Variants in GOSR1 observed in about 807,000 individuals in gnomAD.
GOSR1 encodes golgi SNAP receptor complex member 1, also known as 28 kDa Golgi SNARE protein.
Under a neutral mutation model 35.5 loss-of-function variants are expected in GOSR1, and 21 were observed. The ratio of observed to expected loss-of-function variants is 0.59; its 90% confidence interval spans 0.42 to 0.85. The LOEUF (loss-of-function observed/expected upper bound fraction) is 0.85, where lower values mean the gene tolerates loss of function less well. Among genes scored for constraint, GOSR1 ranks in the 40% least tolerant of loss-of-function variants. The probability of loss-of-function intolerance (pLI) is 0.00; values close to 1 mark genes in which losing one functional copy is unlikely to be tolerated. For synonymous variants in GOSR1, 94 were observed against 106.6 expected, an observed-to-expected ratio of 0.88 and a Z score of 0.73; for missense variants, 285 against 309.6, an observed-to-expected ratio of 0.92 and a Z score of 0.60.
intron 8 of GOSR1, among the ~76,000 whole-genome samples, chr17:30,521,988 G>T (rs113323246): frequency 7.9e-5 from 12 of 152,062 alleles, no homozygotes; most frequent in South Asian, 2.1e-4. Context: ...AACTGTCATC[G>T]TCCTTTTCTT....
chr17:30,500,495 G>A (rs1335067932), intron 6 of GOSR1, among the ~76,000 whole-genome samples: 1 of 152,024 alleles, frequency 6.6e-6, no homozygotes, highest in East Asian at 1.9e-4. Flanking sequence ...CTTTTCCTCT[G>A]TTTAATCTTT....
At chr17:30,488,533 ATT>A (rs72485527) in intron 4 of GOSR1, among the ~76,000 whole-genome samples, 91 of 131,272 alleles carry the variant, frequency 6.9e-4, no homozygotes, top group African/African-American at 9.3e-4. Flanking sequence ...TATTGGCAGT[ATT>A]TTTTTTTTTT....
intron 4 of GOSR1, chr17:30,485,044 T>G: frequency 4.6e-6 from 2 of 439,512 alleles, no homozygotes; most frequent in East Asian, 4.9e-5. Flanking sequence ...CCTAGCTAGC[T>G]AGCTGTAACA....
intron 6 of GOSR1, among the ~76,000 whole-genome samples, chr17:30,504,013 T>A (rs1340975375): frequency 6.6e-6 from 1 of 151,926 alleles, no homozygotes; most frequent in African/African-American, 2.4e-5. Flanking sequence ...TTCTTTAGGT[T>A]GGTTTCATTT....
In GOSR1 at chr17:30,522,995, AG is replaced by A; in HGVS notation, c.*619del. The A allele has an allele frequency of 4.8e-6, 1 of 208,696 alleles. No homozygotes were observed. 12.9% of individuals were successfully genotyped at this position (208,696 alleles called of 1,614,324 possible). A position where few individuals can be genotyped will look rare whatever the true frequency, so the allele number is the denominator to read the frequency against. On this transcript the variant is annotated 3_prime_UTR_variant, in exon 9 of 9. Coordinates refer to ENST00000451249, the MANE Select transcript of GOSR1 (RefSeq NM_001007025.2). ...CACGCCTGACTGCCTCGGCCTCCCGAGGTGCCGGGATTGCAGACGGAGTCTC... is the reference window on the plus strand; with the variant it reads ...CACGCCTGACTGCCTCGGCCTCCCGAGTGCCGGGATTGCAGACGGAGTCTC...
At chr17:30,506,339 T>G (rs1242388003) in intron 6 of GOSR1, among the ~76,000 whole-genome samples, 2 of 152,168 alleles carry the variant, frequency 1.3e-5, no homozygotes, top group African/African-American at 4.8e-5. Context: ...GCCACTCCAG[T>G]GAATACACAA....
chr17:30,512,364 T>G (rs1175753644), intron 7 of GOSR1, among the ~76,000 whole-genome samples: 3 of 152,196 alleles, frequency 2.0e-5, no homozygotes, highest in Non-Finnish European at 4.4e-5. Flanking sequence ...CATTTCAGAT[T>G]TCAGAAAAAT....
In GOSR1 at chr17:30,481,297, G is replaced by A. The variant is rs183129909; in HGVS notation, c.146+40G>A. 360 of 1,490,108 alleles carry A rather than the reference G, an allele frequency of 2.4e-4. 1 individual carries two copies. The African/African-American group carries it at 4.5e-3, about 19-fold the overall frequency. The allele number at this position is 1,490,108 out of a possible 1,614,324, so 92.3% of individuals were successfully genotyped here. On this transcript the variant is annotated intron_variant, in intron 2 of 8. Transcript: ENST00000451249. ...AGATTCTGTCTCCTATGCCTTAACT[G>A]TGTTTTTAAAGCATTAAAAAATAAA...
chr17:30,479,639 GC>G (rs1221060156), intron 1 of GOSR1: 1 of 152,366 alleles, frequency 6.6e-6, no homozygotes, highest in Non-Finnish European at 1.5e-5. Context: ...CTCCTGAGTA[GC>G]TGGGACTACA....
At chr17:30,482,018 TACAA>T (rs987755171) in intron 2 of GOSR1, among the ~76,000 whole-genome samples, 22 of 151,874 alleles carry the variant, frequency 1.4e-4, no homozygotes, top group African/African-American at 5.1e-4. Context: ...TTAAGACAGT[TACAA>T]AGAATAATAT....
In GOSR1 at chr17:30,522,266, C is replaced by T. The variant is rs1298435389; in HGVS notation, c.635C>T (p.Ala212Val). 3 of 1,603,536 alleles carry T rather than the reference C, an allele frequency of 1.9e-6. No homozygotes were observed. The African/African-American group carries it at 4.0e-5, about 22-fold the overall frequency. The change falls in exon 9 of 9, where the codon GCT (alanine) becomes GTT (valine). Residue 212 changes from alanine (A) to valine (V), a missense_variant. Physicochemically the swap from Ala to Val is moderately conservative, Grantham distance 64 (BLOSUM62 0). Around this residue, in one of 3 missense-constraint regions of GOSR1, gnomAD observed 168 missense variants for 183.2 expected, o/e 0.92. Coordinates refer to ENST00000451249, the MANE Select transcript of GOSR1 (RefSeq NM_001007025.2). ...KMNTLANRFP[A>V]VNSLIQRINL... ...AGATTTCCCAAAGATCGTTTTCCTG[C>T]TGTAAACAGCCTGATCCAGAGGATC...
intron 4 of GOSR1, among the ~76,000 whole-genome samples, chr17:30,487,711 G>C (rs942080048): frequency 1.3e-5 from 2 of 151,998 alleles, no homozygotes; most frequent in African/African-American, 4.8e-5. Flanking sequence ...AATGTTTATA[G>C]AAGGCAGTTT....
At chr17:30,510,141 T>G (rs974663132) in intron 6 of GOSR1, among the ~76,000 whole-genome samples, 1 of 152,128 alleles carries the variant, frequency 6.6e-6, no homozygotes, top group African/African-American at 2.4e-5. Flanking sequence ...CATGATGATT[T>G]CGGCTCACTG....
intron 6 of GOSR1, among the ~76,000 whole-genome samples, chr17:30,499,081 A>G (rs1334976423): frequency 6.6e-6 from 1 of 152,170 alleles, no homozygotes; most frequent in Non-Finnish European, 1.5e-5. Flanking sequence ...TACCTTTTCC[A>G]GAATTTTATA....
At chr17:30,518,918 GGTGACGGAGCA>G (rs1444599562) in intron 7 of GOSR1, among the ~76,000 whole-genome samples, 1 of 152,086 alleles carries the variant, frequency 6.6e-6, no homozygotes, top group East Asian at 1.9e-4. Flanking sequence ...CTCCAGCCTG[GGTGACGGAGCA>G]GGACCCTGTC....
intron 6 of GOSR1, among the ~76,000 whole-genome samples, chr17:30,499,559 T>G (rs1337698975): frequency 6.6e-6 from 1 of 152,204 alleles, no homozygotes; most frequent in Admixed American, 6.5e-5. Context: ...GCCAGGATGG[T>G]CTTGATCTCC....
intron 6 of GOSR1, among the ~76,000 whole-genome samples, chr17:30,493,043 G>C (rs1241640111): frequency 1.3e-5 from 2 of 151,590 alleles, no homozygotes; most frequent in South Asian, 2.1e-4. Context: ...ACCCAGGCTG[G>C]AGTGCAGTGA....
intron 6 of GOSR1, chr17:30,510,671 A>ATG: frequency 1.1e-5 from 4 of 353,826 alleles, no homozygotes; most frequent in Non-Finnish European, 2.1e-5. Flanking sequence ...TTGAGATTAC[A>ATG]CTACTGCACT....
At chr17:30,521,820 G>C (rs1968048544) in intron 8 of GOSR1, among the ~76,000 whole-genome samples, 1 of 152,174 alleles carries the variant, frequency 6.6e-6, no homozygotes, top group South Asian at 2.1e-4. Context: ...CCTGAGAGAA[G>C]AGGAAAAGAG....
Sources: gnomAD v4.1 joint callset for allele counts (sites outside exome capture counted in the v4.1 genomes callset) on GRCh38, gnomAD v4.1.1 for gene constraint, gnomAD v4.1.1 regional missense constraint, MANE v1.5 for transcripts, NCBI Gene and HGNC (gene_info 2026-07-23, HGNC 2026-07-21) for gene names.